The following MARCO variants were observed in gnomAD, a reference collection of about 807,000 sequenced individuals.
MARCO encodes macrophage receptor with collagenous structure.
A neutral mutation model predicts 70.0 loss-of-function variants in MARCO; 72 were observed. The observed-to-expected ratio is 1.03, with a 90% CI of 0.85 to 1.25. MARCO has a LOEUF of 1.25. MARCO is among the 50% of genes most tolerant of loss of function. The pLI, the probability that MARCO is intolerant of heterozygous loss-of-function variation, is 0.00. For missense variants in MARCO, 696 were observed against 659.3 expected, an observed-to-expected ratio of 1.06 and a Z score of -0.61; for synonymous variants, 273 against 243.1, an observed-to-expected ratio of 1.12 and a Z score of -1.14.
Position 118,971,552 on chromosome 2 carries a change from C to A in MARCO, c.460+18C>A, listed in dbSNP as rs1680171491. 1 of 1,613,360 alleles carries A rather than the reference C, an allele frequency of 6.2e-7. No homozygotes were observed. Among genetic ancestry groups the A allele is most frequent in the African/African-American group, 1.3e-5 (1 of 74,924 alleles). On this transcript the variant is annotated intron_variant, in intron 4 of 16. Transcript: ENST00000327097. ...CGCCCCAGGTAGGTTCATTTCCACT[C>A]ACACCCACCCTGCTCTTTCCCCAAA...
chr2:118,974,705 C>T, intron 6 of MARCO, 140 bp downstream of exon 6: 1 of 846,952 alleles, frequency 1.2e-6, no homozygotes. Context: ...TGGGAGACCC[C>T]AGAGGGGATG....
intron 16 of MARCO, 135 bp from the exon 17 acceptor site, chr2:118,994,252 G>A (rs187970718): frequency 6.5e-4 from 580 of 895,780 alleles, no homozygotes; most frequent in Middle Eastern, 1.1e-3. Flanking sequence ...TCAGCACATT[G>A]GGCCGGAATG....
chr2:118,968,494 G>A lies in MARCO; in HGVS notation c.98-666G>A, dbSNP rs76359470. On this transcript the variant is annotated intron_variant, in intron 1 of 16. Transcript: ENST00000327097. ...AGGCTTTCTCAGACTATATGGGTTT[G>A]TAGGATTTCTGGACAGGAGGGATGG... Among the ~76,000 whole-genome samples the A allele has an allele frequency of 1.5e-3, 221 of 152,326 alleles. 3 individuals carry two copies. Among genetic ancestry groups the A allele is most frequent in the African/African-American group, 5.1e-3 (213 of 41,568 alleles).
At chr2:118,955,179 C>T (rs938523128) in intron 1 of MARCO, among the ~76,000 whole-genome samples, 17 of 151,428 alleles carry the variant, frequency 1.1e-4, no homozygotes, top group African/African-American at 4.1e-4. Flanking sequence ...AAGGTGAAGC[C>T]CAATGCAAGG....
Position 118,975,281 on chromosome 2 carries a change from G to A in MARCO, c.613+716G>A, listed in dbSNP as rs565900343. ...TTAGAAACTCCAACTTGCAAATTCC[G>A]CAAGGGGTTGAGGCTGCTGGGATGT... is the stretch of plus-strand genomic sequence containing the variant. On this transcript the variant is annotated intron_variant, in intron 6 of 16. Coordinates refer to ENST00000327097, the MANE Select transcript of MARCO (RefSeq NM_006770.4). Among the ~76,000 whole-genome samples the A allele has an allele frequency of 7.2e-5, 11 of 152,220 alleles. No individual in the cohort carries two copies. The East Asian group carries it at 9.7e-4, about 13-fold the overall frequency.
intron 1 of MARCO, among the ~76,000 whole-genome samples, chr2:118,967,976 C>T (rs931723953): frequency 6.6e-6 from 1 of 152,192 alleles, no homozygotes; most frequent in Non-Finnish European, 1.5e-5. Context: ...TGAAGCTAGA[C>T]CAACCTGGGG....
At chr2:118,983,225 G>A (rs1467057941) in intron 12 of MARCO, among the ~76,000 whole-genome samples, 1 of 152,184 alleles carries the variant, frequency 6.6e-6, no homozygotes, top group Non-Finnish European at 1.5e-5. Context: ...GTCTGCCAAG[G>A]ACATCTGTAG....
chr2:118,982,062 C>A, intron 10 of MARCO, 94 bp from the exon 11 acceptor site: 1 of 797,818 alleles, frequency 1.3e-6, no homozygotes, highest in Non-Finnish European at 2.0e-6. Context: ...TTAAGAGGTA[C>A]ATGTCTCACT....
chr2:118,967,186 C>T (rs1298948693), intron 1 of MARCO, among the ~76,000 whole-genome samples: 2 of 152,218 alleles, frequency 1.3e-5, no homozygotes, highest in Admixed American at 6.5e-5. Flanking sequence ...AGGGGGGTTC[C>T]ACCCAGCCCA....
chr2:118,965,356 C>CT (rs749925285), intron 1 of MARCO, among the ~76,000 whole-genome samples: 3 of 152,080 alleles, frequency 2.0e-5, no homozygotes, highest in Admixed American at 6.5e-5. Flanking sequence ...TCTACCAAGT[C>CT]TTTTTTCTTT....
At chr2:118,994,278 G>A in intron 16 of MARCO, 109 bp from the exon 17 acceptor site, 1 of 1,202,128 alleles carries the variant, frequency 8.3e-7, no homozygotes, top group Non-Finnish European at 1.2e-6. Context: ...GAATGAGTGA[G>A]AAGTCGGCAG....
chr2:118,977,343 T>TGA lies in MARCO; in HGVS notation c.614-117_614-116dup, dbSNP rs939273658. On this transcript the variant is annotated intron_variant, in intron 6 of 16. Transcript: ENST00000327097. ...AAGAGAGAGAGAGAGAGAGTGAGAGTGAGAGAGAGAGAAAGATCTCCTTCT... is the reference window on the plus strand; with the variant it reads ...AAGAGAGAGAGAGAGAGAGTGAGAGTGAGAGAGAGAGAGAAAGATCTCCTTCT... 1.6e-5 allele frequency: 12 copies of TGA among 731,530 alleles called. No individual in the cohort carries two copies. In the African/African-American group the frequency reaches 1.7e-4, roughly 10 times the overall value. 45.3% of individuals were successfully genotyped at this position (731,530 alleles called of 1,614,324 possible). A position where few individuals can be genotyped will look rare whatever the true frequency, so the allele number is the denominator to read the frequency against.
chr2:118,973,922 C>T (rs1680224424), intron 4 of MARCO, among the ~76,000 whole-genome samples: 2 of 152,234 alleles, frequency 1.3e-5, no homozygotes, highest in South Asian at 4.1e-4. Context: ...ATGAAGAAGA[C>T]AGACAAGGCC....
At chr2:118,946,203 A>G (rs1229709745) in intron 1 of MARCO, among the ~76,000 whole-genome samples, 3 of 152,212 alleles carry the variant, frequency 2.0e-5, no homozygotes, top group Admixed American at 1.3e-4. Flanking sequence ...ATACAAAATT[A>G]CAACCAGGAA....
chr2:118,974,645 C>A, intron 6 of MARCO, 80 bp downstream of exon 6: 1 of 1,366,982 alleles, frequency 7.3e-7, no homozygotes, highest in Non-Finnish European at 1.0e-6. Flanking sequence ...GACGCAGCCT[C>A]CCTCCAGAGT....
At position 118,981,377 on chromosome 2, in the gene MARCO, C is replaced by T. The variant is rs1448067108; in HGVS notation, c.767-32C>T. The T allele has an allele frequency of 2.0e-6, 3 of 1,464,824 alleles. No homozygotes were observed. In the South Asian group the frequency reaches 3.6e-5, roughly 18 times the overall value. 90.7% of individuals were successfully genotyped at this position (1,464,824 alleles called of 1,614,324 possible). A position where few individuals can be genotyped will look rare whatever the true frequency, so the allele number is the denominator to read the frequency against. On this transcript the variant is annotated intron_variant, in intron 8 of 16. Coordinates refer to ENST00000327097, the MANE Select transcript of MARCO (RefSeq NM_006770.4). ...CATGGTGGCCTGATTGGAGTTCCTCCCACAACTAACCAAGACTTTTTGGTT... is the reference window on the plus strand; with the variant it reads ...CATGGTGGCCTGATTGGAGTTCCTCTCACAACTAACCAAGACTTTTTGGTT...
chr2:118,944,332 T>G (rs940414022), intron 1 of MARCO, among the ~76,000 whole-genome samples: 3 of 152,188 alleles, frequency 2.0e-5, no homozygotes, highest in Non-Finnish European at 2.9e-5. Context: ...CATCCTGCCT[T>G]CTAATACAAA....
At chr2:118,958,683 G>C (rs1372184485) in intron 1 of MARCO, among the ~76,000 whole-genome samples, 1 of 152,030 alleles carries the variant, frequency 6.6e-6, no homozygotes, top group Non-Finnish European at 1.5e-5. Flanking sequence ...AACCAAAAAA[G>C]AGAAGGCATA....
At chr2:118,955,258 A>T (rs1042751727) in intron 1 of MARCO, among the ~76,000 whole-genome samples, 1 of 152,136 alleles carries the variant, frequency 6.6e-6, no homozygotes, top group Non-Finnish European at 1.5e-5. Context: ...AAATAAAAAA[A>T]CAATAAAAAT....
Sources: gnomAD v4.1 joint callset for allele counts (sites outside exome capture counted in the v4.1 genomes callset) on GRCh38, gnomAD v4.1.1 for gene constraint, MANE v1.5 for transcripts, NCBI Gene and HGNC (gene_info 2026-07-23, HGNC 2026-07-21) for gene names.